RSL24D1: variants seen among roughly 807,000 people sequenced by gnomAD.
RSL24D1 encodes ribosomal L24 domain containing 1.
RSL24D1 carries 6 observed loss-of-function variants against 26.2 expected under a neutral mutation model. That is an observed-to-expected ratio of 0.23 (90% CI 0.13 to 0.45). The LOEUF (loss-of-function observed/expected upper bound fraction) is 0.45. Among genes scored for constraint, RSL24D1 ranks in the 20% least tolerant of loss-of-function variants. The pLI is 0.99. For missense variants in RSL24D1, 176 were observed against 202.6 expected, an observed-to-expected ratio of 0.87 and a Z score of 0.80; for synonymous variants, 61 against 59.1, an observed-to-expected ratio of 1.03 and a Z score of -0.15.
chr15:55,190,249 CAAAAAAA>C (rs57254193), intron 3 of RSL24D1, among the ~76,000 whole-genome samples: 1 of 34,494 alleles, frequency 2.9e-5, no homozygotes, highest in South Asian at 1.4e-3. Flanking sequence ...CTTTCCAACT[CAAAAAAA>C]AAAAAAAAAA....
chr15:55,183,754 A>T (rs1347528942), intron 4 of RSL24D1, among the ~76,000 whole-genome samples: 1 of 151,984 alleles, frequency 6.6e-6, no homozygotes, highest in Non-Finnish European at 1.5e-5. Context: ...AACAACTCAA[A>T]CTCAAAGTGG....
chr15:55,191,103 A>C (rs1045117881), intron 2 of RSL24D1, 56 bp from the exon 3 acceptor site: 14 of 1,241,584 alleles, frequency 1.1e-5, no homozygotes, highest in Non-Finnish European at 1.5e-5. Context: ...TAGAAAGGAA[A>C]CATTTCTTAA....
Position 55,181,728 on chromosome 15 carries a change from C to A in RSL24D1, c.*424G>T. ...CTAAAATAAAAATATCTGACACTGC[C>A]ATACAAATTGTTAGTTCCTTTTTGT... On this transcript the variant is annotated 3_prime_UTR_variant, in exon 6 of 6. Coordinates refer to ENST00000260443, the MANE Select transcript of RSL24D1 (RefSeq NM_016304.3). 1 of 121,778 alleles carries A rather than the reference C, an allele frequency of 8.2e-6. No individual in the cohort carries two copies. Among genetic ancestry groups the A allele is most frequent in the Non-Finnish European group, 1.8e-5 (1 of 55,092 alleles). 7.5% of individuals were successfully genotyped at this position (121,778 alleles called of 1,614,324 possible).
chr15:55,182,849 G>C (rs1407658266), intron 5 of RSL24D1, among the ~76,000 whole-genome samples: 1 of 152,040 alleles, frequency 6.6e-6, no homozygotes, highest in Non-Finnish European at 1.5e-5. Context: ...GACTGTACTG[G>C]TGTTAGCTGA....
chr15:55,192,897 CCCTGCT>C, intron 1 of RSL24D1, 64 bp from the exon 2 acceptor site: 1 of 996,914 alleles, frequency 1.0e-6, no homozygotes, highest in Admixed American at 1.9e-5. Flanking sequence ...AAGACGTTAC[CCCTGCT>C]AGACAAAAAA....
At position 55,185,353 on chromosome 15, in the gene RSL24D1, T is replaced by A. The variant is rs1894213294; in HGVS notation, c.332+9A>T. The A allele has an allele frequency of 3.8e-6, 6 of 1,582,984 alleles. No individual in the cohort carries two copies. The East Asian group carries it at 1.4e-4, about 36-fold the overall frequency. On this transcript the variant is annotated intron_variant, in intron 4 of 5. Transcript: ENST00000260443. ...TTTTCCAAAAGTTACTCCATACAAATATTCATACCTGTTCATTATAAATTT... is the reference window on the plus strand; with the variant it reads ...TTTTCCAAAAGTTACTCCATACAAAAATTCATACCTGTTCATTATAAATTT...
At chr15:55,193,364 T>C (rs760666524) in intron 1 of RSL24D1, among the ~76,000 whole-genome samples, 2 of 152,210 alleles carry the variant, frequency 1.3e-5, no homozygotes, top group Non-Finnish European at 2.9e-5. Context: ...CTACAAGATT[T>C]AATCCTTTAA....
In RSL24D1 at chr15:55,190,976, A is replaced by G. The variant is rs1445485340; in HGVS notation, c.267T>C (p.Thr89=). ...TACTGGTATTTCTTTGTGACTTACT[A>G]GTTTTATTCCATAGCTCTCGCTGGT... The part of the protein sequence containing the change: ...IKYQRELWNK[T]IDAMKRVEEI... Residue 89 remains threonine, a splice_region_variant and synonymous_variant, in exon 3 of 6, where the codon ACT becomes ACC. Coordinates refer to ENST00000260443, the MANE Select transcript of RSL24D1 (RefSeq NM_016304.3). 2 of 1,593,688 alleles carry G rather than the reference A, an allele frequency of 1.3e-6. No homozygotes were observed. Among genetic ancestry groups the G allele is most frequent in the African/African-American group, 2.7e-5 (2 of 74,234 alleles).
chr15:55,190,972 T>A lies in RSL24D1; in HGVS notation c.268+3A>T. On this transcript the variant is annotated splice_donor_region_variant and intron_variant, in intron 3 of 5. Transcript: ENST00000260443. ...AAATTACTGGTATTTCTTTGTGACT[T>A]ACTAGTTTTATTCCATAGCTCTCGC... The A allele has an allele frequency of 6.3e-7, 1 of 1,590,220 alleles. No homozygotes were observed.
intron 1 of RSL24D1, among the ~76,000 whole-genome samples, chr15:55,193,247 A>G (rs1236260010): frequency 1.3e-5 from 2 of 152,194 alleles, no homozygotes; most frequent in Non-Finnish European, 2.9e-5. Context: ...TGAAAGCACA[A>G]AATAATTTCA....
At chr15:55,182,420 C>T (rs1005202611) in intron 5 of RSL24D1, among the ~76,000 whole-genome samples, 195 bp from the exon 6 acceptor site, 27 of 152,070 alleles carry the variant, frequency 1.8e-4, no homozygotes, top group South Asian at 2.1e-4. Context: ...CATTTATTTG[C>T]TCATTTCACC....
intron 4 of RSL24D1, among the ~76,000 whole-genome samples, chr15:55,183,815 C>T (rs1443383864): frequency 3.3e-5 from 5 of 152,112 alleles, no homozygotes; most frequent in Non-Finnish European, 1.5e-5. Context: ...TACCACAACA[C>T]TTATTCATTC....
At chr15:55,196,306 ATC>A in intron 1 of RSL24D1, 1 of 455,560 alleles carries the variant, frequency 2.2e-6, no homozygotes, top group Non-Finnish European at 4.4e-6. Flanking sequence ...CAAGATAAAT[ATC>A]ACCTCTATGC....
In RSL24D1 at chr15:55,182,699, C is replaced by G. The variant is rs559076164; in HGVS notation, c.419-474G>C. On this transcript the variant is annotated intron_variant, in intron 5 of 5. Coordinates refer to ENST00000260443, the MANE Select transcript of RSL24D1 (RefSeq NM_016304.3). ...GTGAAACAAATGCTCCAGAATTTTG[C>G]CTATTTTGTTTTAATAAAATTTGGT... is the stretch of plus-strand genomic sequence containing the variant. Among the ~76,000 whole-genome samples, 4 of 152,136 alleles carry G rather than the reference C, an allele frequency of 2.6e-5. No individual in the cohort carries two copies. In the East Asian group the frequency reaches 7.7e-4, roughly 29 times the overall value.
chr15:55,196,688 A>G lies in RSL24D1; in HGVS notation c.81+122T>C, dbSNP rs139579271. ...GGAGGCCCAGTTAAGCCACCCTCCC[A>G]GGGGAACAACGGGAGGAACCCGGGC... On this transcript the variant is annotated intron_variant, in intron 1 of 5. Coordinates refer to ENST00000260443, the MANE Select transcript of RSL24D1 (RefSeq NM_016304.3). The G allele has an allele frequency of 1.2e-4, 105 of 890,878 alleles. No individual in the cohort carries two copies. In the East Asian group the frequency reaches 2.5e-3, roughly 21 times the overall value. The allele number at this position is 890,878 out of a possible 1,614,324, so 55.2% of individuals were successfully genotyped here.
At chr15:55,189,193 CAAAAA>C (rs11320888) in intron 3 of RSL24D1, among the ~76,000 whole-genome samples, 2 of 66,518 alleles carry the variant, frequency 3.0e-5, no homozygotes, top group African/African-American at 9.0e-5. Flanking sequence ...ACTCCCATCT[CAAAAA>C]AAAAAAAAAA....
intron 2 of RSL24D1, chr15:55,192,360 A>C (rs1173604732): frequency 1.2e-5 from 2 of 168,474 alleles, no homozygotes; most frequent in Non-Finnish European, 2.5e-5. Context: ...AGTCCTGCTA[A>C]GGAAATCCAG....
intron 5 of RSL24D1, among the ~76,000 whole-genome samples, chr15:55,182,455 A>T (rs1256399214): frequency 6.6e-6 from 1 of 152,176 alleles, no homozygotes; most frequent in Non-Finnish European, 1.5e-5. Flanking sequence ...CATTTTAAAT[A>T]TGAGAAAACT....
rs73407847 is a variant in RSL24D1 at position 55,194,927 on chromosome 15, G to T, written c.81+1883C>A. On this transcript the variant is annotated intron_variant, in intron 1 of 5. Transcript: ENST00000260443. ...AGTCCCAGCTACTCAGCATGCTGAG[G>T]AGGGAGGACTGCTTAAGTACAGGAG... Among the ~76,000 whole-genome samples, 1,040 of 150,662 alleles carry T rather than the reference G, an allele frequency of 6.9e-3. 11 individuals are homozygous for T. The highest frequency in any genetic ancestry group is 0.023 in the African/African-American group (919 of 40,806).
Sources: gnomAD v4.1 joint callset for allele counts (sites outside exome capture counted in the v4.1 genomes callset) on GRCh38, gnomAD v4.1.1 for gene constraint, MANE v1.5 for transcripts, NCBI Gene and HGNC (gene_info 2026-07-23, HGNC 2026-07-21) for gene names.